CSMD1: variants seen among roughly 807,000 people sequenced by gnomAD.
CSMD1 encodes the protein CUB and Sushi multiple domains 1.
CSMD1 carries 213 observed loss-of-function variants against 417.5 expected under a neutral mutation model. The ratio of observed to expected loss-of-function variants is 0.51; its 90% confidence interval spans 0.46 to 0.57. CSMD1 has a LOEUF of 0.57. Ranked by LOEUF, CSMD1 falls within the 20% of genes least tolerant of loss-of-function variation. CSMD1 has a pLI of 0.00. For synonymous variants in CSMD1, 2,862 were observed against 1,736.8 expected, an observed-to-expected ratio of 1.65 and a Z score of -16.11; for missense variants, 6,923 against 4,529.7, an observed-to-expected ratio of 1.53 and a Z score of -15.17.
chr8:3,551,255 T>C (rs1194220359), intron 10 of CSMD1, among the ~76,000 whole-genome samples: 1 of 152,242 alleles, frequency 6.6e-6, no homozygotes, highest in Non-Finnish European at 1.5e-5. Context: ...AAATATTAAC[T>C]AATATCTTGT....
chr8:3,840,405 T>C lies in CSMD1; in HGVS notation c.819-86363A>G, dbSNP rs139443505. ...AATAATAGTGTGTAAATAAGCAAAA[T>C]AGATAACGTTGTACTTTATTTTATT... is the stretch of plus-strand genomic sequence containing the variant. On this transcript the variant is annotated intron_variant, in intron 5 of 69. Coordinates refer to ENST00000635120, the MANE Select transcript of CSMD1 (RefSeq NM_033225.6). Among the ~76,000 whole-genome samples, 169 of 152,166 alleles carry C rather than the reference T, an allele frequency of 1.1e-3. 1 individual carries two copies. The highest frequency in any genetic ancestry group is 4.8e-3 in the South Asian group (23 of 4,822).
At chr8:4,579,520 G>A (rs373448179) in intron 2 of CSMD1, among the ~76,000 whole-genome samples, 14 of 151,826 alleles carry the variant, frequency 9.2e-5, no homozygotes, top group African/African-American at 2.9e-4. Flanking sequence ...CCGCCACCAC[G>A]CCCAGCTAAT....
intron 1 of CSMD1, among the ~76,000 whole-genome samples, chr8:4,737,845 G>T (rs1419698726): frequency 6.6e-6 from 1 of 152,160 alleles, no homozygotes. Context: ...AAGGGAGGAG[G>T]AGTCAAATAT....
chr8:4,160,470 G>C (rs146043714), intron 3 of CSMD1, among the ~76,000 whole-genome samples: 1 of 152,158 alleles, frequency 6.6e-6, no homozygotes, highest in East Asian at 1.9e-4. Flanking sequence ...TGTTGGTCAT[G>C]TGTCTTCATG....
chr8:3,548,001 G>C (rs768772288), intron 10 of CSMD1, among the ~76,000 whole-genome samples: 7 of 152,076 alleles, frequency 4.6e-5, no homozygotes, highest in Non-Finnish European at 1.0e-4. Flanking sequence ...ATAACTAAAA[G>C]AAAGGAAATG....
Position 3,782,157 on chromosome 8 carries a change from A to G in CSMD1, c.819-28115T>C, listed in dbSNP as rs139217227. Among the ~76,000 whole-genome samples the G allele has an allele frequency of 4.4e-3, 672 of 152,320 alleles. 2 individuals are homozygous for G. Among genetic ancestry groups the G allele is most frequent in the Middle Eastern group, 0.037 (11 of 294 alleles). ...CTTTTTTTCTCATTTAAAAGAGAAA[A>G]CAAACGAAGTCAAAGAAGTTCATGT... On this transcript the variant is annotated intron_variant, in intron 5 of 69. Coordinates refer to ENST00000635120, the MANE Select transcript of CSMD1 (RefSeq NM_033225.6).
intron 68 of CSMD1, among the ~76,000 whole-genome samples, 175 bp from the exon 69 acceptor site, chr8:2,942,779 G>C (rs556741428): frequency 2.6e-5 from 4 of 152,042 alleles, no homozygotes; most frequent in African/African-American, 9.7e-5. Context: ...TAATGACCGG[G>C]ACAAAAAACT....
At chr8:4,839,297 G>A (rs1281052197) in intron 1 of CSMD1, among the ~76,000 whole-genome samples, 2 of 152,126 alleles carry the variant, frequency 1.3e-5, no homozygotes, top group African/African-American at 4.8e-5. Flanking sequence ...TTTGTTTATA[G>A]CAGACAGAAG....
chr8:3,166,268 T>C (rs562774278), intron 37 of CSMD1, among the ~76,000 whole-genome samples: 80 of 152,272 alleles, frequency 5.3e-4, no homozygotes, highest in Admixed American at 1.1e-3. Flanking sequence ...TGGTGACTCA[T>C]GCCTGTAATC....
At chr8:4,023,622 T>A (rs1563330358) in intron 4 of CSMD1, among the ~76,000 whole-genome samples, 1 of 150,400 alleles carries the variant, frequency 6.6e-6, no homozygotes, top group East Asian at 2.0e-4. Context: ...AGTCTCGCTC[T>A]GTCGCCCAGG....
intron 2 of CSMD1, among the ~76,000 whole-genome samples, chr8:4,468,515 T>C (rs933221377): frequency 7.9e-5 from 12 of 152,200 alleles, no homozygotes; most frequent in African/African-American, 2.7e-4. Flanking sequence ...TACTTTTCTA[T>C]TTCTTCTTAC....
chr8:3,723,825 T>C (rs1483695403), intron 6 of CSMD1, among the ~76,000 whole-genome samples: 10 of 152,166 alleles, frequency 6.6e-5, no homozygotes, highest in African/African-American at 2.4e-4. Flanking sequence ...TGCTACCAAA[T>C]CACGGATGAG....
At chr8:3,749,429 CT>C (rs1391868163) in intron 6 of CSMD1, among the ~76,000 whole-genome samples, 1 of 152,116 alleles carries the variant, frequency 6.6e-6, no homozygotes, top group East Asian at 1.9e-4. Flanking sequence ...CTTACTACTG[CT>C]TCTGACATGA....
chr8:4,249,802 C>CA (rs1307302523), intron 3 of CSMD1, among the ~76,000 whole-genome samples: 1 of 152,112 alleles, frequency 6.6e-6, no homozygotes, highest in Non-Finnish European at 1.5e-5. Context: ...AACACAGTGT[C>CA]AGTTTAGAAA....
chr8:3,325,012 T>C (rs1037633164), intron 23 of CSMD1, among the ~76,000 whole-genome samples: 3 of 152,164 alleles, frequency 2.0e-5, no homozygotes, highest in African/African-American at 7.2e-5. Context: ...GAAATACAAA[T>C]AGGCTTCAAA....
chr8:2,938,389 C>G lies in CSMD1; in HGVS notation c.*196G>C, dbSNP rs1448596686. ...TTAGAACCCACTTTTGGAATGAAAA[C>G]GCATGTGTAGTTTGATCCGTAGAAG... is the stretch of plus-strand genomic sequence containing the variant. On this transcript the variant is annotated 3_prime_UTR_variant, in exon 70 of 70. Transcript: ENST00000635120. The G allele has an allele frequency of 2.0e-6, 1 of 509,750 alleles. No individual in the cohort carries two copies. The highest frequency in any genetic ancestry group is 3.4e-6 in the Non-Finnish European group (1 of 295,526). 31.6% of individuals were successfully genotyped at this position (509,750 alleles called of 1,614,324 possible). A position where few individuals can be genotyped will look rare whatever the true frequency, so the allele number is the denominator to read the frequency against.
chr8:4,844,546 C>A (rs1392853225), intron 1 of CSMD1, among the ~76,000 whole-genome samples: 1 of 152,146 alleles, frequency 6.6e-6, no homozygotes, highest in East Asian at 1.9e-4. Context: ...GCTCGAGATT[C>A]AATAACCAGC....
At chr8:4,311,965 A>T (rs1337825160) in intron 3 of CSMD1, among the ~76,000 whole-genome samples, 1 of 152,046 alleles carries the variant, frequency 6.6e-6, no homozygotes, top group Non-Finnish European at 1.5e-5. Flanking sequence ...CCTGAAACTT[A>T]GAAAACAAAA....
intron 3 of CSMD1, among the ~76,000 whole-genome samples, chr8:4,285,891 C>A (rs924332170): frequency 6.6e-6 from 1 of 152,128 alleles, no homozygotes; most frequent in Non-Finnish European, 1.5e-5. Context: ...GGAAAGTAAT[C>A]CAACTGAAGT....
Sources: gnomAD v4.1 joint callset for allele counts (sites outside exome capture counted in the v4.1 genomes callset) on GRCh38, gnomAD v4.1.1 for gene constraint, MANE v1.5 for transcripts, NCBI Gene and HGNC (gene_info 2026-07-23, HGNC 2026-07-21) for gene names.